The following KIF5C variants were observed in gnomAD, a reference collection of about 807,000 sequenced individuals.
KIF5C encodes the protein kinesin heavy chain isoform 5C.
In KIF5C, 18 loss-of-function variants were observed where a neutral mutation model predicts 125.2. The ratio of observed to expected loss-of-function variants is 0.14; its 90% CI spans 0.10 to 0.21. The LOEUF is 0.21. Among genes scored for constraint, KIF5C ranks in the 10% least tolerant of loss-of-function variants. The probability of loss-of-function intolerance (pLI) is 1.00; values close to 1 mark genes in which losing one functional copy is unlikely to be tolerated. For synonymous variants in KIF5C, 405 were observed against 434.0 expected (o/e 0.93, Z 0.83); for missense variants, 780 against 1,183.8 (o/e 0.66, Z 5.01).
At chr2:148,962,197 T>C (rs1682943986) in intron 11 of KIF5C, 78 bp downstream of exon 11, 6 of 1,474,570 alleles carry the variant, frequency 4.1e-6, no homozygotes, top group Non-Finnish European at 5.4e-6. Context: ...ACAGAGTCTC[T>C]CTCTGTCACT....
chr2:148,894,699 G>A (rs1681793459), intron 1 of KIF5C, among the ~76,000 whole-genome samples: 1 of 147,344 alleles, frequency 6.8e-6, no homozygotes, highest in South Asian at 2.1e-4. Context: ...AATAAGTTTA[G>A]TACAATATAT....
chr2:149,000,619 G>T, intron 20 of KIF5C, 95 bp downstream of exon 20: 1 of 1,585,264 alleles, frequency 6.3e-7, no homozygotes. Context: ...GGCTATTTGT[G>T]TGCTTGTTGG....
At chr2:148,949,190 C>T (rs999171010) in intron 8 of KIF5C, among the ~76,000 whole-genome samples, 2 of 152,124 alleles carry the variant, frequency 1.3e-5, no homozygotes, top group South Asian at 2.1e-4. Flanking sequence ...CCAGCAATAA[C>T]GCAGCAAAGG....
chr2:148,893,509 C>A (rs1312431528), intron 1 of KIF5C, among the ~76,000 whole-genome samples: 1 of 152,214 alleles, frequency 6.6e-6, no homozygotes, highest in African/African-American at 2.4e-5. Context: ...CTCGTCCAAG[C>A]CTTTATTGAT....
intron 11 of KIF5C, among the ~76,000 whole-genome samples, chr2:148,967,689 T>A (rs1417156680): frequency 6.6e-6 from 1 of 152,214 alleles, no homozygotes; most frequent in African/African-American, 2.4e-5. Context: ...TGGCTGGTCT[T>A]TCTTCGAATC....
chr2:148,897,336 A>G (rs1248301158), intron 1 of KIF5C, among the ~76,000 whole-genome samples: 1 of 152,098 alleles, frequency 6.6e-6, no homozygotes, highest in Admixed American at 6.5e-5. Flanking sequence ...CACATAGTAG[A>G]CTAGGGTTTC....
chr2:148,935,457 G>A (rs1452322060), intron 3 of KIF5C, among the ~76,000 whole-genome samples: 3 of 152,118 alleles, frequency 2.0e-5, no homozygotes, highest in East Asian at 1.9e-4. Flanking sequence ...CATGACATTT[G>A]GCCAGATGGA....
At chr2:148,951,010 G>A (rs1010927110) in intron 10 of KIF5C, among the ~76,000 whole-genome samples, 1 of 152,130 alleles carries the variant, frequency 6.6e-6, no homozygotes, top group African/African-American at 2.4e-5. Flanking sequence ...AAAACAAAAC[G>A]GAACAACCAA....
chr2:148,985,783 T>A (rs1383378550), intron 15 of KIF5C, among the ~76,000 whole-genome samples: 1 of 152,238 alleles, frequency 6.6e-6, no homozygotes, highest in African/African-American at 2.4e-5. Context: ...GTAGACTATT[T>A]CTGGGAAATG....
intron 1 of KIF5C, among the ~76,000 whole-genome samples, chr2:148,887,236 C>T (rs1029175363): frequency 2.0e-5 from 3 of 152,066 alleles, no homozygotes; most frequent in Non-Finnish European, 4.4e-5. Context: ...ATGAATTTCA[C>T]CTCTTTCTTT....
chr2:148,989,921 G>T (rs58828394), intron 15 of KIF5C, among the ~76,000 whole-genome samples: 1,822 of 152,248 alleles, frequency 0.012, 37 homozygotes, highest in African/African-American at 0.041. Flanking sequence ...AACAGATAGT[G>T]ATATGATGAG....
At chr2:148,923,404 T>C (rs1008835058) in intron 2 of KIF5C, among the ~76,000 whole-genome samples, 1 of 152,180 alleles carries the variant, frequency 6.6e-6, no homozygotes, top group Non-Finnish European at 1.5e-5. Context: ...GAGATTTTTA[T>C]AGAAACCCAA....
chr2:148,943,441 A>C (rs1472425655), intron 7 of KIF5C, among the ~76,000 whole-genome samples: 5 of 152,222 alleles, frequency 3.3e-5, no homozygotes, highest in African/African-American at 1.2e-4. Flanking sequence ...AATGACAGTG[A>C]GTTCATATGA....
At chr2:148,947,981 T>C (rs1160510645) in intron 8 of KIF5C, 1 of 456,660 alleles carries the variant, frequency 2.2e-6, no homozygotes, top group South Asian at 1.5e-5. Flanking sequence ...GTTACTTGGA[T>C]TGTCCTCTAG....
At chr2:148,950,744 G>A (rs1682638031) in intron 10 of KIF5C, among the ~76,000 whole-genome samples, 1 of 151,960 alleles carries the variant, frequency 6.6e-6, no homozygotes, top group African/African-American at 2.4e-5. Flanking sequence ...AGGAGGTGGA[G>A]GTTGCAGTGA....
rs80049152 is a variant in KIF5C, at chr2:149,023,727, A to G, written c.*657A>G. On this transcript the variant is annotated 3_prime_UTR_variant, in exon 26 of 26. Transcript: ENST00000435030. ...TAGCAGTGTAGAATTTGTTCATTCA[A>G]ATACATCTGTGTAAATGCAAAAAGT... 16 of 152,464 alleles carry G rather than the reference A, an allele frequency of 1.0e-4. No homozygotes were observed. The highest frequency in any genetic ancestry group is 4.1e-4 in the South Asian group (2 of 4,830). The allele number at this position is 152,464 out of a possible 1,614,324, so 9.4% of individuals were successfully genotyped here.
In KIF5C at chr2:148,989,524, G is replaced by A. The variant is rs115009037; in HGVS notation, c.1717-1486G>A. 7.2e-3 allele frequency among the ~76,000 whole-genome samples: 1,094 copies of A among 152,300 alleles called. 18 individuals are homozygous for A. The highest frequency in any genetic ancestry group is 0.025 in the African/African-American group (1,057 of 41,542). On this transcript the variant is annotated intron_variant, in intron 15 of 25. Transcript: ENST00000435030. ...CCCAGTAGTGGGATTGCTGGATTGAGTGGCATATCTACTTTTAGTTCTTTA... is the reference window on the plus strand; with the variant it reads ...CCCAGTAGTGGGATTGCTGGATTGAATGGCATATCTACTTTTAGTTCTTTA...
chr2:148,891,517 G>A (rs1394248161), intron 1 of KIF5C, among the ~76,000 whole-genome samples: 3 of 152,018 alleles, frequency 2.0e-5, no homozygotes, highest in East Asian at 1.9e-4. Flanking sequence ...GACAATGTAT[G>A]TATTACTGCT....
chr2:148,998,363 C>T (rs1367880178), intron 18 of KIF5C, 37 bp from the exon 19 acceptor site: 15 of 1,552,030 alleles, frequency 9.7e-6, no homozygotes, highest in Middle Eastern at 1.7e-4. Flanking sequence ...TGAGTGCCAA[C>T]GAGTAGATGA....
Sources: gnomAD v4.1 joint callset for allele counts (sites outside exome capture counted in the v4.1 genomes callset) on GRCh38, gnomAD v4.1.1 for gene constraint, MANE v1.5 for transcripts, NCBI Gene and HGNC (gene_info 2026-07-23, HGNC 2026-07-21) for gene names.